GNG7: variants seen among roughly 807,000 people sequenced by gnomAD.
GNG7 encodes guanine nucleotide-binding protein G(I)/G(S)/G(O) subunit gamma-7.
GNG7 carries 1 observed loss-of-function variant against 4.0 expected under a neutral mutation model. The ratio of observed to expected loss-of-function variants is 0.25; its 90% CI spans 0.09 to 1.18. GNG7 has a LOEUF of 1.18. GNG7 is among the 50% of genes most tolerant of loss of function. The pLI, the probability that GNG7 is intolerant of heterozygous loss-of-function variation, is 0.50. For synonymous variants in GNG7, 34 were observed against 36.9 expected, an observed-to-expected ratio of 0.92 and a Z score of 0.29; for missense variants, 86 against 91.9, an observed-to-expected ratio of 0.94 and a Z score of 0.26.
intron 2 of GNG7, chr19:2,643,253 G>A (rs927485677): frequency 1.4e-5 from 6 of 428,826 alleles, no homozygotes; most frequent in Admixed American, 7.7e-5. Context: ...GAGCCTCTCC[G>A]GGCTCTGCAC....
At chr19:2,632,548 T>C (rs1982192018) in intron 2 of GNG7, 1 of 149,706 alleles carries the variant, frequency 6.7e-6, no homozygotes, top group Admixed American at 6.6e-5. Context: ...TAAAAACAGC[T>C]GACGAACAGA....
chr19:2,675,047 C>T (rs975701060), intron 1 of GNG7, among the ~76,000 whole-genome samples: 2 of 152,346 alleles, frequency 1.3e-5, no homozygotes, highest in South Asian at 2.1e-4. Flanking sequence ...CAGATTTTCA[C>T]ACACTCGGGA....
intron 1 of GNG7, among the ~76,000 whole-genome samples, chr19:2,673,610 T>C (rs780252723): frequency 8.6e-5 from 13 of 150,640 alleles, no homozygotes; most frequent in Non-Finnish European, 1.6e-4. Context: ...GGAGGATCAT[T>C]TGAACCCAGG....
intron 1 of GNG7, among the ~76,000 whole-genome samples, chr19:2,671,437 G>GTGACGT (rs1379405505): frequency 6.6e-6 from 1 of 152,120 alleles, no homozygotes; most frequent in Non-Finnish European, 1.5e-5. Flanking sequence ...GAGGCTCAAG[G>GTGACGT]TGACGTTGTC....
At chr19:2,637,214 C>CCCT (rs763677894) in intron 2 of GNG7, among the ~76,000 whole-genome samples, 1 of 151,576 alleles carries the variant, frequency 6.6e-6, no homozygotes, top group Non-Finnish European at 1.5e-5. Context: ...GAACAGGCTC[C>CCCT]CCCCGCCCCC....
intron 1 of GNG7, chr19:2,701,060 C>G (rs1370392476): frequency 6.6e-6 from 1 of 152,108 alleles, no homozygotes; most frequent in Non-Finnish European, 1.5e-5. Context: ...CACTTTAGTT[C>G]CTGAAAAATT....
chr19:2,603,790 T>C (rs1981286902), intron 2 of GNG7, among the ~76,000 whole-genome samples: 1 of 152,146 alleles, frequency 6.6e-6, no homozygotes, highest in Non-Finnish European at 1.5e-5. Flanking sequence ...CACCTAGATT[T>C]ATTTTACAGA....
chr19:2,693,178 G>A (rs1205322293), intron 1 of GNG7, among the ~76,000 whole-genome samples: 1 of 151,600 alleles, frequency 6.6e-6, no homozygotes, highest in East Asian at 1.9e-4. Context: ...AGCTACTCTG[G>A]AGGCTGAGGC....
rs547118538 is a variant in GNG7 at position 2,642,329 on chromosome 19, C to T, written c.-78+3895G>A. 2.2e-5 allele frequency: 5 copies of T among 225,996 alleles called. No individual in the cohort carries two copies. The East Asian group carries it at 3.2e-4, about 15-fold the overall frequency. The allele number at this position is 225,996 out of a possible 1,614,324, so 14.0% of individuals were successfully genotyped here. A position where few individuals can be genotyped will look rare whatever the true frequency, so the allele number is the denominator to read the frequency against. On this transcript the variant is annotated intron_variant, in intron 2 of 4. Coordinates refer to ENST00000382159, the MANE Select transcript of GNG7 (RefSeq NM_052847.3). Reference sequence around the variant, plus strand: ...CCTAGCTTGCAAACACTATTAGCTCCGCAGCTGCTAGCGTTTCCCTGTCGA... The same window carrying T: ...CCTAGCTTGCAAACACTATTAGCTCTGCAGCTGCTAGCGTTTCCCTGTCGA...
intron 3 of GNG7, among the ~76,000 whole-genome samples, chr19:2,550,128 T>C (rs1979268683): frequency 6.6e-6 from 1 of 151,824 alleles, no homozygotes; most frequent in Non-Finnish European, 1.5e-5. Flanking sequence ...GAAAGAGTGT[T>C]TGGGTTGAGA....
intron 2 of GNG7, among the ~76,000 whole-genome samples, chr19:2,619,586 T>G (rs912466729): frequency 6.6e-6 from 1 of 152,106 alleles, no homozygotes; most frequent in Non-Finnish European, 1.5e-5. Flanking sequence ...GACTCAGCCA[T>G]GAAAAGGAAC....
At position 2,617,649 on chromosome 19, in the gene GNG7, C is replaced by A. The variant is rs535647059; in HGVS notation, c.-78+28575G>T. Among the ~76,000 whole-genome samples the A allele has an allele frequency of 6.6e-6, 1 of 152,126 alleles. No individual in the cohort carries two copies. The highest frequency in any genetic ancestry group is 1.5e-5 in the Non-Finnish European group (1 of 68,010). ...GGCAAGGATGTCCCCTCCTTAGAGA[C>A]CTTCCTGGACACCACGTGGCACAGA... On this transcript the variant is annotated intron_variant, in intron 2 of 4. Coordinates refer to ENST00000382159, the MANE Select transcript of GNG7 (RefSeq NM_052847.3). This position sits in a 1 kb window ranked among gnomAD's most constrained non-coding sequence, Gnocchi z 4.7.
At chr19:2,579,802 C>T (rs1379631177) in intron 2 of GNG7, among the ~76,000 whole-genome samples, 3 of 152,110 alleles carry the variant, frequency 2.0e-5, no homozygotes, top group African/African-American at 4.8e-5. Flanking sequence ...CTGGGGCTGC[C>T]GTAAGAAAGT....
chr19:2,537,079 TG>T (rs1369592339), intron 3 of GNG7, among the ~76,000 whole-genome samples: 4 of 151,858 alleles, frequency 2.6e-5, no homozygotes, highest in African/African-American at 9.7e-5. Flanking sequence ...CCCGAGTAGC[TG>T]GGACTACAGG....
At chr19:2,574,592 C>G (rs1322683189) in intron 2 of GNG7, among the ~76,000 whole-genome samples, 1 of 152,224 alleles carries the variant, frequency 6.6e-6, no homozygotes, top group East Asian at 1.9e-4. Context: ...TAATATTCCA[C>G]TGTCTGGTTG....
intron 2 of GNG7, among the ~76,000 whole-genome samples, chr19:2,585,497 T>C (rs1450344005): frequency 8.5e-6 from 1 of 118,220 alleles, no homozygotes. Context: ...GTATAAAGAG[T>C]ATACGAAGTG....
chr19:2,667,525 T>C (rs1983340903), intron 1 of GNG7, among the ~76,000 whole-genome samples: 1 of 152,124 alleles, frequency 6.6e-6, no homozygotes. Context: ...ACACCTGTCA[T>C]CCCAGCACTT....
At chr19:2,681,609 A>T (rs1371891473) in intron 1 of GNG7, among the ~76,000 whole-genome samples, 1 of 152,072 alleles carries the variant, frequency 6.6e-6, no homozygotes, top group African/African-American at 2.4e-5. Flanking sequence ...ATACGCTTTC[A>T]CTTCCCTTAG....
At chr19:2,552,848 T>TCCCCCCCC (rs1555693069) in intron 3 of GNG7, among the ~76,000 whole-genome samples, 11 of 84,500 alleles carry the variant, frequency 1.3e-4, no homozygotes, top group African/African-American at 2.3e-4. Context: ...TCCTCCCGGC[T>TCCCCCCCC]CCACCCCCCC....
Sources: gnomAD v4.1 joint callset for allele counts (sites outside exome capture counted in the v4.1 genomes callset) on GRCh38, gnomAD v4.1.1 for gene constraint, Gnocchi (gnomAD v3.1) non-coding constraint, MANE v1.5 for transcripts, NCBI Gene and HGNC (gene_info 2026-07-23, HGNC 2026-07-21) for gene names.